The following PPFIBP1 variants were observed in gnomAD, a reference collection of about 807,000 sequenced individuals.
PPFIBP1 encodes liprin-beta-1.
PPFIBP1 carries 112 observed loss-of-function variants against 137.8 expected under a neutral mutation model. That is an observed-to-expected ratio of 0.81 (90% CI 0.70 to 0.95). PPFIBP1 has a LOEUF of 0.95. PPFIBP1 is among the 40% of genes least tolerant of loss of function. PPFIBP1 has a pLI of 0.00. For missense variants in PPFIBP1, 1,083 were observed against 1,196.6 expected, an observed-to-expected ratio of 0.91 and a Z score of 1.40; for synonymous variants, 378 against 417.3, an observed-to-expected ratio of 0.91 and a Z score of 1.15.
At chr12:27,653,308 G>A (rs1315065122) in intron 7 of PPFIBP1, among the ~76,000 whole-genome samples, 21 of 152,086 alleles carry the variant, frequency 1.4e-4, no homozygotes, top group Admixed American at 9.8e-4. Context: ...GAAGCTGGCC[G>A]GGCACAGTGG....
At chr12:27,596,111 T>TGCGCGC (rs2053278518) in intron 2 of PPFIBP1, among the ~76,000 whole-genome samples, 1 of 140,408 alleles carries the variant, frequency 7.1e-6, no homozygotes, top group South Asian at 2.4e-4. Flanking sequence ...CACACACATA[T>TGCGCGC]GCTTACAAAT....
chr12:27,668,923 C>T (rs4931245), intron 13 of PPFIBP1, among the ~76,000 whole-genome samples: 86,702 of 151,990 alleles, frequency 0.57, 24,928 homozygotes, highest in East Asian at 0.77. Context: ...CACCTGAAGA[C>T]CATGTTTTCC....
At chr12:27,538,657 G>C (rs564690100) in intron 1 of PPFIBP1, among the ~76,000 whole-genome samples, 1 of 152,322 alleles carries the variant, frequency 6.6e-6, no homozygotes, top group South Asian at 2.1e-4. Flanking sequence ...TATGTGATGA[G>C]ATGATTGGTT....
chr12:27,609,845 T>C lies in PPFIBP1; in HGVS notation c.-35-23517T>C, dbSNP rs140732451. Among the ~76,000 whole-genome samples the C allele has an allele frequency of 6.4e-3, 970 of 152,292 alleles. 12 individuals are homozygous for C. The highest frequency in any genetic ancestry group is 0.022 in the African/African-American group (907 of 41,556). Reference sequence around the variant, plus strand: ...TCACTGAGATAATCCTAGATGAATATCCCAGGGGTATCCATGGAGAAGAGG... The same window carrying C: ...TCACTGAGATAATCCTAGATGAATACCCCAGGGGTATCCATGGAGAAGAGG... On this transcript the variant is annotated intron_variant, in intron 2 of 29. Coordinates refer to ENST00000228425, the MANE Select transcript of PPFIBP1 (RefSeq NM_003622.4).
At chr12:27,584,906 A>G (rs1340734264) in intron 2 of PPFIBP1, among the ~76,000 whole-genome samples, 1 of 152,212 alleles carries the variant, frequency 6.6e-6, no homozygotes, top group Non-Finnish European at 1.5e-5. Context: ...AATGAATGAA[A>G]GAGCAGGGGG....
intron 21 of PPFIBP1, among the ~76,000 whole-genome samples, chr12:27,681,036 C>T (rs79595784): frequency 2.0e-5 from 3 of 152,256 alleles, no homozygotes; most frequent in East Asian, 1.9e-4. Flanking sequence ...GCCCCCACCC[C>T]GGAACAAGAA....
chr12:27,656,511 G>T (rs2059209457), intron 8 of PPFIBP1, 105 bp from the exon 9 acceptor site: 2 of 727,386 alleles, frequency 2.7e-6, no homozygotes, highest in Admixed American at 5.1e-5. Context: ...TAGTAGATTT[G>T]TTTCATTCAT....
chr12:27,680,696 T>TAAG (rs2060824713), intron 21 of PPFIBP1, among the ~76,000 whole-genome samples: 1 of 152,246 alleles, frequency 6.6e-6, no homozygotes, highest in African/African-American at 2.4e-5. Flanking sequence ...ATTAAGATTC[T>TAAG]AAGAACTGCT....
At chr12:27,676,005 A>G (rs11049091) in intron 17 of PPFIBP1, among the ~76,000 whole-genome samples, 20,007 of 152,246 alleles carry the variant, frequency 0.13, 1,591 homozygotes, top group Non-Finnish European at 0.18. Context: ...TTCTATTGAC[A>G]AAGTTATAAT....
intron 1 of PPFIBP1, among the ~76,000 whole-genome samples, chr12:27,560,185 C>G (rs112637698): frequency 7.9e-4 from 121 of 152,288 alleles, no homozygotes; most frequent in African/African-American, 2.8e-3. Context: ...TCCCAGATAG[C>G]AGTCAGTAAT....
chr12:27,646,497 G>A (rs758852014), intron 5 of PPFIBP1, among the ~76,000 whole-genome samples: 5 of 149,890 alleles, frequency 3.3e-5, no homozygotes, highest in Non-Finnish European at 5.9e-5. Context: ...TCCTACCTCA[G>A]CCTCCCAAGT....
chr12:27,676,343 CG>C, intron 17 of PPFIBP1, 84 bp from the exon 18 acceptor site: 2 of 1,048,600 alleles, frequency 1.9e-6, no homozygotes, highest in Non-Finnish European at 2.6e-6. Flanking sequence ...ATGGATGTGG[CG>C]TGAGTGAGTA....
intron 1 of PPFIBP1, among the ~76,000 whole-genome samples, chr12:27,558,781 T>C (rs2048920335): frequency 1.3e-5 from 2 of 152,234 alleles, no homozygotes; most frequent in African/African-American, 4.8e-5. Flanking sequence ...AAAGCTTAAT[T>C]AGGTTAAACT....
chr12:27,598,919 G>A (rs1483462049), intron 2 of PPFIBP1, among the ~76,000 whole-genome samples: 1 of 152,164 alleles, frequency 6.6e-6, no homozygotes, highest in Non-Finnish European at 1.5e-5. Flanking sequence ...TTCTCTTGAA[G>A]CAAGATCAAC....
At chr12:27,688,125 A>T in intron 25 of PPFIBP1, 173 bp from the exon 26 acceptor site, 1 of 704,354 alleles carries the variant, frequency 1.4e-6, no homozygotes, top group South Asian at 2.1e-5. Flanking sequence ...GCAATGCTTT[A>T]TTAGTATATA....
At chr12:27,595,886 AATAT>A (rs201970397) in intron 2 of PPFIBP1, among the ~76,000 whole-genome samples, 2,685 of 101,928 alleles carry the variant, frequency 0.026, 55 homozygotes, top group Non-Finnish European at 0.039. Context: ...ACAACAACAA[AATAT>A]ATATATATAT....
At chr12:27,607,280 A>G (rs1333642195) in intron 2 of PPFIBP1, among the ~76,000 whole-genome samples, 1 of 152,228 alleles carries the variant, frequency 6.6e-6, no homozygotes, top group African/African-American at 2.4e-5. Context: ...TGCCACCAAC[A>G]ATTGATTCAG....
intron 2 of PPFIBP1, among the ~76,000 whole-genome samples, chr12:27,593,015 C>G (rs189401765): frequency 2.8e-4 from 42 of 151,368 alleles, no homozygotes; most frequent in African/African-American, 1.0e-3. Flanking sequence ...GCCTATAATC[C>G]CAGCTACTCA....
chr12:27,654,653 G>T (rs2059086026), intron 7 of PPFIBP1, 69 bp from the exon 8 acceptor site: 1 of 1,510,962 alleles, frequency 6.6e-7, no homozygotes. Flanking sequence ...TTTCCAAGCT[G>T]CTATTTTATA....
Sources: gnomAD v4.1 joint callset for allele counts (sites outside exome capture counted in the v4.1 genomes callset) on GRCh38, gnomAD v4.1.1 for gene constraint, MANE v1.5 for transcripts, NCBI Gene and HGNC (gene_info 2026-07-23, HGNC 2026-07-21) for gene names.